The following TRAPPC2 variants were observed in gnomAD, a reference collection of about 807,000 sequenced individuals.
TRAPPC2 encodes sedlin.
TRAPPC2 carries 4 observed loss-of-function variants against 10.0 expected under a neutral mutation model. That is an observed-to-expected ratio of 0.40 (90% confidence interval 0.20 to 0.92). The LOEUF (loss-of-function observed/expected upper bound fraction) is 0.92, where lower values mean the gene tolerates loss of function less well. TRAPPC2 is among the 40% of genes least tolerant of loss of function. The pLI, the probability that TRAPPC2 is intolerant of heterozygous loss-of-function variation, is 0.35. For synonymous variants in TRAPPC2, 36 were observed against 37.3 expected (o/e 0.97, Z 0.12); for missense variants, 52 against 108.7 (o/e 0.48, Z 2.32).
Position 13,734,169 on chromosome X carries a change from T to TG in TRAPPC2, c.-146dup. On this transcript the variant is annotated 5_prime_UTR_variant, in exon 2 of 6. Transcript: ENST00000380579. ...TGGAGACATCTTTGGTTGTCACACT[T>TG]GGGGGAGAAGGTGATACTGACAAAA... 1 of 502,096 alleles carries TG rather than the reference T, an allele frequency of 2.0e-6. No individual in the cohort carries two copies. Among genetic ancestry groups the TG allele is most frequent in the Non-Finnish European group, 3.6e-6 (1 of 279,721 alleles). The allele number at this position is 502,096 out of a possible 1,213,427, so 41.4% of individuals were successfully genotyped here.
At chrX:13,727,989 G>A (rs770740808) in intron 2 of TRAPPC2, among the ~76,000 whole-genome samples, 10 of 111,735 alleles carry the variant, frequency 8.9e-5, no homozygotes, top group African/African-American at 2.9e-4. Flanking sequence ...CAAATAAACT[G>A]GAAAATCTAG....
chrX:13,721,367 A>C (rs996584710), intron 2 of TRAPPC2: 6 of 112,539 alleles, frequency 5.3e-5, no homozygotes, highest in Non-Finnish European at 1.1e-4. Flanking sequence ...AATCTAATGC[A>C]TGTAAAGTAC....
At chrX:13,714,538 A>G in intron 5 of TRAPPC2, 33 bp from the exon 6 acceptor site, 4 of 815,731 alleles carry the variant, frequency 4.9e-6, no homozygotes, top group Non-Finnish European at 6.9e-6. Flanking sequence ...TGAAGCAAAA[A>G]AGCTGACAAA....
chrX:13,715,425 A>G (rs1023424833), intron 5 of TRAPPC2: 1 of 113,109 alleles, frequency 8.8e-6, no homozygotes, highest in African/African-American at 3.2e-5. Context: ...GTGAGCTGAG[A>G]TCACGCCACT....
At chrX:13,723,186 A>G (rs1218206949) in intron 2 of TRAPPC2, among the ~76,000 whole-genome samples, 2 of 111,334 alleles carry the variant, frequency 1.8e-5, no homozygotes, top group East Asian at 2.8e-4. Flanking sequence ...TGGCCACAGT[A>G]CTAGACAGCA....
chrX:13,727,266 A>ACCCCAAAT (rs1388955066), intron 2 of TRAPPC2, among the ~76,000 whole-genome samples: 1 of 112,201 alleles, frequency 8.9e-6, no homozygotes, highest in Admixed American at 9.4e-5. Context: ...AGACATCTAC[A>ACCCCAAAT]GAACTCTCCA....
chrX:13,715,204 G>A (rs1410955604), intron 5 of TRAPPC2, among the ~76,000 whole-genome samples: 1 of 113,180 alleles, frequency 8.8e-6, no homozygotes, highest in Non-Finnish European at 1.9e-5. Flanking sequence ...CAGGCATGGT[G>A]GCTCACGCCT....
At chrX:13,716,504 TA>T (rs768668784) in intron 4 of TRAPPC2, 29 bp downstream of exon 4, 1 of 1,209,465 alleles carries the variant, frequency 8.3e-7, no homozygotes, top group Non-Finnish European at 1.1e-6. Flanking sequence ...AAACTTTAGT[TA>T]GTTACCTTTA....
intron 2 of TRAPPC2, among the ~76,000 whole-genome samples, chrX:13,726,550 AATG>A (rs752028385): frequency 1.3e-4 from 15 of 111,854 alleles, no homozygotes; most frequent in African/African-American, 4.9e-4. Context: ...CAGAGAAGGA[AATG>A]ATGAGAGATT....
At chrX:13,727,434 G>T (rs2046577971) in intron 2 of TRAPPC2, among the ~76,000 whole-genome samples, 1 of 112,330 alleles carries the variant, frequency 8.9e-6, no homozygotes, top group African/African-American at 3.2e-5. Context: ...TAGAACTCAG[G>T]ATTTAAAAAC....
intron 3 of TRAPPC2, among the ~76,000 whole-genome samples, chrX:13,717,034 T>TAAAAAAAAAAAA (rs1175025577): frequency 2.6e-5 from 1 of 37,936 alleles, no homozygotes; most frequent in Non-Finnish European, 4.3e-5. Context: ...GATACTATGT[T>TAAAAAAAAAAAA]AAAAAAAAAA....
chrX:13,719,926 T>C lies in TRAPPC2; in HGVS notation c.38A>G (p.His13Arg), dbSNP rs768120589. 8.3e-6 allele frequency: 10 copies of C among 1,203,876 alleles called. No individual in the cohort carries two copies. The highest frequency in any genetic ancestry group is 1.1e-5 in the Non-Finnish European group (10 of 891,623). Residue 13 changes from histidine to arginine, a missense_variant, in exon 3 of 6, where the codon CAT becomes CGT. Transcript: ENST00000380579. Reference sequence around the variant, plus strand: ...CTCCATTTCAAAAACTGGATTATCATGGTGGCCAACAATTACAAAGTAGAA... The same window carrying C: ...CTCCATTTCAAAAACTGGATTATCACGGTGGCCAACAATTACAAAGTAGAA... ...GSFYFVIVGH[H>R]DNPVFEMEFL... is the part of the protein sequence containing the mutation.
chrX:13,718,341 G>T (rs1212656827), intron 3 of TRAPPC2, among the ~76,000 whole-genome samples: 5 of 113,179 alleles, frequency 4.4e-5, no homozygotes, highest in African/African-American at 1.6e-4. Context: ...TTAGAGAAAT[G>T]GATGTTTTTG....
At position 13,720,222 on chromosome X, in the gene TRAPPC2, C is replaced by G. The variant is rs907014828; in HGVS notation, c.-19-240G>C. ...TTTTCTTAAGTAAACTGGAAGACCT[C>G]TAACATGAAATCACAAAGACAACAT... is the stretch of plus-strand genomic sequence containing the variant. On this transcript the variant is annotated intron_variant, in intron 2 of 5. Transcript: ENST00000380579. 8.1e-5 allele frequency: 17 copies of G among 208,710 alleles called. No individual in the cohort carries two copies. The East Asian group carries it at 1.5e-3, about 19-fold the overall frequency. The allele number at this position is 208,710 out of a possible 1,213,427, so 17.2% of individuals were successfully genotyped here. A position where few individuals can be genotyped will look rare whatever the true frequency, so the allele number is the denominator to read the frequency against.
rs1199962334 is a variant in TRAPPC2 at position 13,714,157 on chromosome X, A to C, written c.*250T>G. ...ACTCTGTATCAGAAAAAAAAAAAAAAAAAAAACATGATTATTGATAATGAA... is the reference window on the plus strand; with the variant it reads ...ACTCTGTATCAGAAAAAAAAAAAAACAAAAAACATGATTATTGATAATGAA... On this transcript the variant is annotated 3_prime_UTR_variant, in exon 6 of 6. Coordinates refer to ENST00000380579, the MANE Select transcript of TRAPPC2 (RefSeq NM_001011658.4). 1.1e-5 allele frequency: 2 copies of C among 186,672 alleles called. No individual in the cohort carries two copies. The highest frequency in any genetic ancestry group is 2.0e-5 in the Non-Finnish European group (2 of 102,365). 15.4% of individuals were successfully genotyped at this position (186,672 alleles called of 1,213,427 possible).
chrX:13,731,551 G>T (rs764787661), intron 2 of TRAPPC2, among the ~76,000 whole-genome samples: 3 of 112,043 alleles, frequency 2.7e-5, no homozygotes, highest in Non-Finnish European at 5.6e-5. Context: ...GAGTCCTGGA[G>T]CCTGAGTGAA....
chrX:13,718,860 ACT>A (rs1200921308), intron 3 of TRAPPC2, among the ~76,000 whole-genome samples: 1 of 111,286 alleles, frequency 9.0e-6, no homozygotes, highest in African/African-American at 3.3e-5. Flanking sequence ...TCGTGTCAAA[ACT>A]CTACAGGTCT....
chrX:13,722,903 A>T lies in TRAPPC2; in HGVS notation c.-19-2921T>A, dbSNP rs1394203775. The stretch of plus-strand genomic sequence containing the variant: ...ATGGTGAAACCCCATCTCTACTAAA[A>T]ATACAAAAAATTAGCCGAGTGTGGT... On this transcript the variant is annotated intron_variant, in intron 2 of 5. Transcript: ENST00000380579. Among the ~76,000 whole-genome samples the T allele has an allele frequency of 2.7e-5, 3 of 110,548 alleles. No individual in the cohort carries two copies. In the East Asian group the frequency reaches 8.6e-4, roughly 32 times the overall value.
intron 2 of TRAPPC2, among the ~76,000 whole-genome samples, chrX:13,733,765 A>C (rs1286993602): frequency 9.2e-6 from 1 of 109,204 alleles, no homozygotes; most frequent in Non-Finnish European, 1.9e-5. Flanking sequence ...TTTTCTTTTA[A>C]TGATTCCTTT....
Sources: gnomAD v4.1 joint callset for allele counts (sites outside exome capture counted in the v4.1 genomes callset) on GRCh38, gnomAD v4.1.1 for gene constraint, MANE v1.5 for transcripts, NCBI Gene and HGNC (gene_info 2026-07-23, HGNC 2026-07-21) for gene names.